Variants in ZMYND8 observed in about 807,000 individuals in gnomAD.
ZMYND8 encodes the protein MYND-type zinc finger-containing chromatin reader ZMYND8.
In ZMYND8, 37 loss-of-function variants were observed where a neutral mutation model predicts 140.8. The ratio of observed to expected loss-of-function variants is 0.26; its 90% CI spans 0.20 to 0.35. The LOEUF is 0.35. Among genes scored for constraint, ZMYND8 ranks in the 10% least tolerant of loss-of-function variants. The pLI is 1.00. For synonymous variants in ZMYND8, 592 were observed against 597.1 expected (o/e 0.99, Z 0.12); for missense variants, 1,068 against 1,570.0 (o/e 0.68, Z 5.40).
chr20:47,280,034 G>A (rs1259969800), intron 10 of ZMYND8, among the ~76,000 whole-genome samples: 1 of 149,932 alleles, frequency 6.7e-6, no homozygotes, highest in Non-Finnish European at 1.5e-5. Flanking sequence ...TGAGGCAGGA[G>A]AATGGCTGAA....
intron 14 of ZMYND8, among the ~76,000 whole-genome samples, chr20:47,241,853 T>G (rs1216575957): frequency 6.6e-6 from 1 of 150,714 alleles, no homozygotes; most frequent in Non-Finnish European, 1.5e-5. Flanking sequence ...AGTCTTGCTC[T>G]GTCACCCAGG....
At chr20:47,250,524 AGGTT>A in intron 12 of ZMYND8, among the ~76,000 whole-genome samples, 1 of 152,192 alleles carries the variant, frequency 6.6e-6, no homozygotes, top group East Asian at 1.9e-4. Flanking sequence ...AACAGCTATC[AGGTT>A]GCTCCCTGGA....
intron 1 of ZMYND8, chr20:47,351,869 C>T (rs2082810205): frequency 1.0e-6 from 1 of 985,402 alleles, no homozygotes; most frequent in Non-Finnish European, 1.2e-6. Context: ...TCAAAGCCAC[C>T]TTCCTAAATA....
At chr20:47,349,943 G>A in intron 1 of ZMYND8, 1 of 1,535,204 alleles carries the variant, frequency 6.5e-7, no homozygotes, top group South Asian at 1.2e-5. Flanking sequence ...CCATTATTTG[G>A]CTTGTAACAG....
chr20:47,301,198 A>G, intron 3 of ZMYND8, among the ~76,000 whole-genome samples: 1 of 144,832 alleles, frequency 6.9e-6, no homozygotes, highest in East Asian at 2.0e-4. Flanking sequence ...CTTGTTGCCC[A>G]GGATAGAGTG....
At chr20:47,220,874 G>C (rs2036839999) in intron 20 of ZMYND8, among the ~76,000 whole-genome samples, 1 of 152,124 alleles carries the variant, frequency 6.6e-6, no homozygotes, top group African/African-American at 2.4e-5. Flanking sequence ...CAAACAAGGA[G>C]GTGAAACCTT....
chr20:47,311,215 C>G (rs919324890), intron 2 of ZMYND8, among the ~76,000 whole-genome samples: 2 of 152,222 alleles, frequency 1.3e-5, no homozygotes, highest in African/African-American at 4.8e-5. Flanking sequence ...TGAGACCCTC[C>G]TCCAAAAAGA....
chr20:47,249,338 T>C lies in ZMYND8; in HGVS notation c.1723A>G (p.Arg575Gly). ...LISPKRQIRS[R>G]FQLNLDKTIE... Reference sequence around the variant, plus strand: ...GTCTTGTCAAGATTCAGCTGGAACCTGCTACGAATCTGGCGCTTGGGAGAG... The same window carrying C: ...GTCTTGTCAAGATTCAGCTGGAACCCGCTACGAATCTGGCGCTTGGGAGAG... The change falls in exon 13 of 23, where the codon AGG becomes GGG. Residue 575 changes from arginine to glycine, a missense_variant. Arg to Gly is a moderately radical substitution (Grantham distance 125). Around this residue, in one of 10 missense-constraint regions of ZMYND8, gnomAD observed 173 missense variants for 223.3 expected, o/e 0.77. Coordinates refer to ENST00000471951, the MANE Select transcript of ZMYND8 (RefSeq NM_001281775.3). 6.2e-7 allele frequency: 1 copy of C among 1,614,132 alleles called. No homozygotes were observed. The highest frequency in any genetic ancestry group is 1.3e-5 in the African/African-American group (1 of 75,036).
intron 2 of ZMYND8, among the ~76,000 whole-genome samples, chr20:47,325,549 G>A (rs187577794): frequency 2.6e-5 from 4 of 152,224 alleles, no homozygotes; most frequent in Admixed American, 2.6e-4. Flanking sequence ...GCCTGGTCAC[G>A]TCGGCCTCTG....
chr20:47,305,168 C>T (rs1324398796), intron 3 of ZMYND8, among the ~76,000 whole-genome samples: 1 of 151,736 alleles, frequency 6.6e-6, no homozygotes, highest in Non-Finnish European at 1.5e-5. Context: ...CACTTGAGCC[C>T]AGGAGGTCAA....
At chr20:47,337,970 T>C (rs1602060549) in intron 2 of ZMYND8, among the ~76,000 whole-genome samples, 1 of 152,004 alleles carries the variant, frequency 6.6e-6, no homozygotes, top group South Asian at 2.1e-4. Context: ...GGACTAGATG[T>C]AGGAATAGGA....
chr20:47,216,602 G>A (rs532410941), intron 21 of ZMYND8, among the ~76,000 whole-genome samples: 42 of 151,364 alleles, frequency 2.8e-4, no homozygotes, highest in Admixed American at 2.5e-3. Flanking sequence ...GAGGTCAGGG[G>A]TTCAAGACCA....
chr20:47,225,461 G>A (rs938961765), intron 18 of ZMYND8, among the ~76,000 whole-genome samples: 3 of 147,556 alleles, frequency 2.0e-5, no homozygotes, highest in African/African-American at 7.5e-5. Flanking sequence ...GCCGAGGCAG[G>A]AGAATTGCTT....
At chr20:47,234,892 C>A (rs1486999294) in intron 16 of ZMYND8, among the ~76,000 whole-genome samples, 1 of 152,130 alleles carries the variant, frequency 6.6e-6, no homozygotes, top group African/African-American at 2.4e-5. Flanking sequence ...GTAATCCCAA[C>A]ACTTTGGGAG....
At chr20:47,331,880 A>C (rs1158222258) in intron 2 of ZMYND8, among the ~76,000 whole-genome samples, 1 of 152,214 alleles carries the variant, frequency 6.6e-6, no homozygotes, top group Non-Finnish European at 1.5e-5. Context: ...TGGAGCTTGC[A>C]GGACAAAGAC....
At chr20:47,333,907 CAAAAAAAAA>C (rs1207345790) in intron 2 of ZMYND8, among the ~76,000 whole-genome samples, 1 of 113,364 alleles carries the variant, frequency 8.8e-6, no homozygotes. Flanking sequence ...GACTCCATCT[CAAAAAAAAA>C]AGAAAAAAAA....
rs1016693979 is a variant in ZMYND8, at chr20:47,216,755, C to T, written c.3484+3503G>A. 7.9e-5 allele frequency among the ~76,000 whole-genome samples: 12 copies of T among 152,076 alleles called. No individual in the cohort carries two copies. The South Asian group carries it at 1.0e-3, about 13-fold the overall frequency. On this transcript the variant is annotated intron_variant, in intron 21 of 22. Transcript: ENST00000471951. ...CCAGGAGGCAGAGGTTGCAGTGAGC[C>T]GAGATCATGCCACTGCACTCCAGCC... is the stretch of plus-strand genomic sequence containing the variant.
At chr20:47,308,060 A>G (rs113977309) in intron 3 of ZMYND8, among the ~76,000 whole-genome samples, 3 of 149,896 alleles carry the variant, frequency 2.0e-5, no homozygotes, top group African/African-American at 7.3e-5. Flanking sequence ...GGAGGTTGCA[A>G]TGAGCCGAGA....
intron 3 of ZMYND8, among the ~76,000 whole-genome samples, chr20:47,301,547 AT>A (rs1447719513): frequency 6.6e-6 from 1 of 151,966 alleles, no homozygotes; most frequent in Admixed American, 6.6e-5. Context: ...CTGCTACAAT[AT>A]TTTTTTCATG....
Sources: allele counts gnomAD v4.1 joint callset (sites outside exome capture counted in the v4.1 genomes callset), GRCh38; gene constraint gnomAD v4.1.1; regional missense constraint gnomAD v4.1.1; transcripts MANE v1.5; gene names NCBI Gene and HGNC (gene_info 2026-07-23, HGNC 2026-07-21).